PRPSAP2: variants seen among roughly 807,000 people sequenced by gnomAD.
PRPSAP2 encodes phosphoribosyl pyrophosphate synthase-associated protein 2.
PRPSAP2 carries 24 observed loss-of-function variants against 40.6 expected under a neutral mutation model. The observed-to-expected ratio is 0.59, with a 90% CI of 0.43 to 0.83. The LOEUF is 0.83. Ranked by LOEUF, PRPSAP2 falls within the 40% of genes least tolerant of loss-of-function variation. PRPSAP2 has a pLI of 0.00. For synonymous variants in PRPSAP2, 149 were observed against 164.7 expected, an observed-to-expected ratio of 0.90 and a Z score of 0.73; for missense variants, 292 against 465.6, an observed-to-expected ratio of 0.63 and a Z score of 3.43.
chr17:18,900,473 T>A (rs1235181208), intron 8 of PRPSAP2, among the ~76,000 whole-genome samples: 2 of 152,222 alleles, frequency 1.3e-5, no homozygotes, highest in Non-Finnish European at 2.9e-5. Context: ...AGCATGTCTG[T>A]CATCTTGGTG....
chr17:18,873,225 C>T (rs182563651), intron 5 of PRPSAP2, among the ~76,000 whole-genome samples: 43 of 122,696 alleles, frequency 3.5e-4, no homozygotes, highest in Non-Finnish European at 6.6e-4. Flanking sequence ...CAGAATTTCA[C>T]TCTTGTTGCC....
chr17:18,931,242 A>G lies in PRPSAP2; in HGVS notation c.*544A>G, dbSNP rs1246831341. 6.6e-6 allele frequency: 1 copy of G among 151,936 alleles called. No homozygotes were observed. Among genetic ancestry groups the G allele is most frequent in the East Asian group, 1.9e-4 (1 of 5,182 alleles). The allele number at this position is 151,936 out of a possible 1,614,324, so 9.4% of individuals were successfully genotyped here. ...TTTGTGTTTTGGCAATCGTTTTATA[A>G]CTAAAATAAAATGAAAGCTAAATCT... On this transcript the variant is annotated 3_prime_UTR_variant, in exon 12 of 12. Transcript: ENST00000268835.
intron 4 of PRPSAP2, among the ~76,000 whole-genome samples, chr17:18,870,089 T>C (rs1306066029): frequency 3.9e-5 from 6 of 152,076 alleles, no homozygotes; most frequent in Non-Finnish European, 5.9e-5. Flanking sequence ...CCTCAAATGA[T>C]CATCCACCTC....
At position 18,909,388 on chromosome 17, in the gene PRPSAP2, C is replaced by A. The variant is rs751469574; in HGVS notation, c.585-1715C>A. 2.6e-5 allele frequency among the ~76,000 whole-genome samples: 4 copies of A among 152,008 alleles called. No homozygotes were observed. The East Asian group carries it at 7.8e-4, about 30-fold the overall frequency. ...TCCTGAGTAGCTGGGATTACAGGTGCCTGCCACCCAGTCCGGCTAATTTTT... is the reference window on the plus strand; with the variant it reads ...TCCTGAGTAGCTGGGATTACAGGTGACTGCCACCCAGTCCGGCTAATTTTT... On this transcript the variant is annotated intron_variant, in intron 8 of 11. Coordinates refer to ENST00000268835, the MANE Select transcript of PRPSAP2 (RefSeq NM_002767.4).
chr17:18,889,356 T>A (rs536326636), intron 7 of PRPSAP2, among the ~76,000 whole-genome samples: 50 of 152,258 alleles, frequency 3.3e-4, no homozygotes, highest in African/African-American at 1.2e-3. Flanking sequence ...TATATTTTTT[T>A]AAAATAGTGC....
At chr17:18,872,896 G>A (rs1475379592) in intron 5 of PRPSAP2, among the ~76,000 whole-genome samples, 1 of 151,502 alleles carries the variant, frequency 6.6e-6, no homozygotes, top group Non-Finnish European at 1.5e-5. Context: ...AGGCTGGAGT[G>A]CAGTGGTGCA....
At chr17:18,883,940 C>G (rs1014021134) in intron 7 of PRPSAP2, among the ~76,000 whole-genome samples, 1 of 146,666 alleles carries the variant, frequency 6.8e-6, no homozygotes, top group African/African-American at 2.5e-5. Context: ...AAATATTCTG[C>G]TTTTTTTTTT....
intron 5 of PRPSAP2, among the ~76,000 whole-genome samples, chr17:18,876,862 G>C (rs2038338978): frequency 6.6e-6 from 1 of 152,208 alleles, no homozygotes; most frequent in African/African-American, 2.4e-5. Context: ...CCTTAGCGGT[G>C]TGAGCTGCTG....
intron 1 of PRPSAP2, among the ~76,000 whole-genome samples, chr17:18,862,790 C>CA (rs1478685250): frequency 6.7e-6 from 1 of 148,866 alleles, no homozygotes; most frequent in Non-Finnish European, 1.5e-5. Context: ...CTGTAACACC[C>CA]TTTTATTTAT....
At chr17:18,877,977 A>G (rs1441354762) in intron 6 of PRPSAP2, 107 bp downstream of exon 6, 2 of 1,249,516 alleles carry the variant, frequency 1.6e-6, no homozygotes, top group African/African-American at 3.0e-5. Flanking sequence ...GCTGGAGTGT[A>G]GTGGCGTGAT....
chr17:18,864,856 T>G (rs1422608625), intron 1 of PRPSAP2: 1 of 152,080 alleles, frequency 6.6e-6, no homozygotes, highest in Non-Finnish European at 1.5e-5. Context: ...ATGACGACTT[T>G]TTTTTTTTGA....
intron 4 of PRPSAP2, among the ~76,000 whole-genome samples, chr17:18,872,149 T>C (rs1597549189): frequency 1.3e-5 from 2 of 151,898 alleles, no homozygotes; most frequent in Admixed American, 1.3e-4. Flanking sequence ...GGCGGGCGCC[T>C]GTAGTTCCAG....
At chr17:18,901,776 A>C (rs548654587) in intron 8 of PRPSAP2, among the ~76,000 whole-genome samples, 1 of 150,696 alleles carries the variant, frequency 6.6e-6, no homozygotes, top group African/African-American at 2.4e-5. Context: ...AGAAGTGACA[A>C]TGTTTTGATA....
At chr17:18,862,968 C>A (rs2037143252) in intron 1 of PRPSAP2, among the ~76,000 whole-genome samples, 1 of 150,772 alleles carries the variant, frequency 6.6e-6, no homozygotes, top group South Asian at 2.1e-4. Flanking sequence ...CTGTAGGCGC[C>A]CACCACCACG....
At chr17:18,867,955 G>A (rs558033287) in intron 4 of PRPSAP2, among the ~76,000 whole-genome samples, 12 of 151,064 alleles carry the variant, frequency 7.9e-5, no homozygotes, top group Admixed American at 6.6e-4. Flanking sequence ...GGGCAACACG[G>A]CAAAACCCTG....
rs775797876 is a variant in PRPSAP2 at position 18,911,213 on chromosome 17, G to C, written c.695G>C (p.Arg232Thr). Reference protein sequence around the residue: ...VDGRHSPPMVRSVAAIHPSLE... With the variant: ...VDGRHSPPMVTSVAAIHPSLE... ...GGACGGCATTCCCCACCCATGGTCA[G>C]AAGTGTGGCTGCCATCCACCCCAGC... Residue 232 changes from arginine (R) to threonine (T), a missense_variant, in exon 9 of 12, where the codon AGA becomes ACA. Physicochemically the swap from Arg to Thr is moderately conservative, Grantham distance 71 (BLOSUM62 -1). Coordinates refer to ENST00000268835, the MANE Select transcript of PRPSAP2 (RefSeq NM_002767.4). This position sits in a 1 kb window ranked among gnomAD's most constrained non-coding sequence, Gnocchi z 4.5. The C allele has an allele frequency of 5.0e-6, 8 of 1,613,358 alleles. No individual in the cohort carries two copies. Among genetic ancestry groups the C allele is most frequent in the Non-Finnish European group, 6.8e-6 (8 of 1,179,542 alleles).
At chr17:18,892,687 G>C (rs2039623923) in intron 8 of PRPSAP2, among the ~76,000 whole-genome samples, 1 of 92,212 alleles carries the variant, frequency 1.1e-5, no homozygotes, top group African/African-American at 4.2e-5. Context: ...TCAGCCTGTT[G>C]AGTGTGTGTG....
At chr17:18,916,601 C>CT (rs965249679) in intron 9 of PRPSAP2, among the ~76,000 whole-genome samples, 1 of 151,962 alleles carries the variant, frequency 6.6e-6, no homozygotes, top group African/African-American at 2.4e-5. Flanking sequence ...AGGCTGGTCG[C>CT]GAACCCCTGA....
intron 9 of PRPSAP2, among the ~76,000 whole-genome samples, chr17:18,921,921 C>T (rs1158207795): frequency 6.6e-6 from 1 of 152,136 alleles, no homozygotes; most frequent in Non-Finnish European, 1.5e-5. Flanking sequence ...CCATTTCTTT[C>T]TAGTTTCAAA....
Sources: gnomAD v4.1 joint callset for allele counts (sites outside exome capture counted in the v4.1 genomes callset) on GRCh38, gnomAD v4.1.1 for gene constraint, Gnocchi (gnomAD v3.1) non-coding constraint, MANE v1.5 for transcripts, NCBI Gene and HGNC (gene_info 2026-07-23, HGNC 2026-07-21) for gene names.